PHKG2: variants seen among roughly 807,000 people sequenced by gnomAD.
PHKG2 encodes the protein phosphorylase b kinase gamma catalytic chain, liver/testis isoform.
In PHKG2, 28 loss-of-function variants were observed where a neutral mutation model predicts 44.5. That is an observed-to-expected ratio of 0.63 (90% CI 0.47 to 0.86). The LOEUF (loss-of-function observed/expected upper bound fraction) is 0.86, where lower values mean the gene tolerates loss of function less well. Ranked by LOEUF, PHKG2 falls within the 40% of genes least tolerant of loss-of-function variation. The pLI is 0.00. For synonymous variants in PHKG2, 220 were observed against 211.2 expected, an observed-to-expected ratio of 1.04 and a Z score of -0.36; for missense variants, 498 against 547.5, an observed-to-expected ratio of 0.91 and a Z score of 0.90.
chr16:30,756,324 C>T, intron 7 of PHKG2, 43 bp from the exon 8 acceptor site: 1 of 1,614,150 alleles, frequency 6.2e-7, no homozygotes, highest in African/African-American at 1.3e-5. Flanking sequence ...TTTGCTGGGT[C>T]TGCCCGTCAC....
At chr16:30,750,680 A>G (rs1000948798) in intron 2 of PHKG2, among the ~76,000 whole-genome samples, 1 of 152,318 alleles carries the variant, frequency 6.6e-6, no homozygotes, top group Admixed American at 6.5e-5. Context: ...CTTCTAGTCA[A>G]TGGCTTCCTA....
rs1287771880 is a variant in PHKG2 at position 30,759,838 on chromosome 16, GC to G, written c.*2742del. ...CAGAAGCAGACAGATCTGGGTTTCA[GC>G]ACTGGCTTGTTTCCTTAACTCATGT... is the stretch of plus-strand genomic sequence containing the variant. On this transcript the variant is annotated 3_prime_UTR_variant, in exon 10 of 10. Coordinates refer to ENST00000563588, the MANE Select transcript of PHKG2 (RefSeq NM_000294.3). The G allele has an allele frequency of 6.8e-7, 1 of 1,481,426 alleles. No homozygotes were observed. The highest frequency in any genetic ancestry group is 8.9e-7 in the Non-Finnish European group (1 of 1,119,856). The allele number at this position is 1,481,426 out of a possible 1,614,324, so 91.8% of individuals were successfully genotyped here.
At chr16:30,752,437 T>C (rs912954220) in intron 4 of PHKG2, 4 of 151,136 alleles carry the variant, frequency 2.6e-5, no homozygotes, top group East Asian at 2.0e-4. Context: ...ACTTAGAAAA[T>C]AGATCCTCAC....
Position 30,749,130 on chromosome 16 carries a change from G to GTGGTGGTGCTGGTGGTGC in PHKG2, c.95+229_95+230insGTGCTGGTGGTGCTGGTG, listed in dbSNP as rs200117179. ...GCTGCTGGTGGTGCTGGTGCTGGTG[G>GTGGTGGTGCTGGTGGTGC]TGGTGGTGCTGGTGCTGGTGGTGGT... On this transcript the variant is annotated intron_variant, in intron 2 of 9. Transcript: ENST00000563588. 1.8e-4 allele frequency among the ~76,000 whole-genome samples: 10 copies of GTGGTGGTGCTGGTGGTGC among 55,418 alleles called. 3 individuals carry two copies. The highest frequency in any genetic ancestry group is 1.1e-3 in the African/African-American group (10 of 9,342). 36.4% of individuals were successfully genotyped at this position (55,418 alleles called of 152,430 possible). A position where few individuals can be genotyped will look rare whatever the true frequency, so the allele number is the denominator to read the frequency against.
In PHKG2 at chr16:30,756,835, G is replaced by A. The variant is rs756345604; in HGVS notation, c.959G>A (p.Arg320Gln). The A allele has an allele frequency of 1.6e-5, 26 of 1,614,018 alleles. No individual in the cohort carries two copies. The highest frequency in any genetic ancestry group is 1.3e-4 in the East Asian group (6 of 44,902). ...GTGTGGACAGTGCTGGCTGCTGGAC[G>A]AGTGGCCCTAAGCACCCATCGTGTA... is the stretch of plus-strand genomic sequence containing the variant. ...VAVWTVLAAG[R>Q]VALSTHRVRP... The change falls in exon 10 of 10, where the codon CGA (arginine) becomes CAA (glutamine). Residue 320 changes from arginine (R) to glutamine (Q), a missense_variant. Arg to Gln is a conservative substitution (Grantham distance 43). Coordinates refer to ENST00000563588, the MANE Select transcript of PHKG2 (RefSeq NM_000294.3).
Position 30,760,089 on chromosome 16 carries a change from T to A in PHKG2, c.*2992T>A. On this transcript the variant is annotated 3_prime_UTR_variant, in exon 10 of 10. Transcript: ENST00000563588. The stretch of plus-strand genomic sequence containing the variant: ...TATATTATTTCTCAGAACAGTCCTG[T>A]AAAATGTGTGCTGTATCCTTAATTT... The A allele has an allele frequency of 6.5e-6, 10 of 1,537,472 alleles. No homozygotes were observed. The highest frequency in any genetic ancestry group is 8.7e-6 in the Non-Finnish European group (10 of 1,147,358).
chr16:30,748,678 A>AC (rs374019460), intron 1 of PHKG2, 125 bp from the exon 2 acceptor site: 1,948 of 175,146 alleles, frequency 0.011, 28 homozygotes, highest in South Asian at 0.021. Context: ...TCCTTCCCCC[A>AC]CCCCCCCCCA....
intron 1 of PHKG2, 124 bp from the exon 2 acceptor site, chr16:30,748,678 AC>A (rs374019460): frequency 0.11 from 18,464 of 172,274 alleles, 1,248 homozygotes; most frequent in East Asian, 0.5. Context: ...TCCTTCCCCC[AC>A]CCCCCCCCAC....
At position 30,757,148 on chromosome 16, in the gene PHKG2, T is replaced by A; in HGVS notation, c.*51T>A. On this transcript the variant is annotated 3_prime_UTR_variant, in exon 10 of 10. Transcript: ENST00000563588. The stretch of plus-strand genomic sequence containing the variant: ...AAGCAGAACTCTCCAGAAGAAGGGT[T>A]TTGATCATTCCAGCTCCTCTGGGCT... 6.3e-7 allele frequency: 1 copy of A among 1,584,878 alleles called. No individual in the cohort carries two copies. Among genetic ancestry groups the A allele is most frequent in the South Asian group, 1.1e-5 (1 of 89,686 alleles).
At position 30,759,318 on chromosome 16, in the gene PHKG2, T is replaced by A. The variant is rs1427861017; in HGVS notation, c.*2221T>A. Reference sequence around the variant, plus strand: ...GAGGGGAGGGGCGGTTGAGGGTGGCTCCTCATGGTCCACCACCCCCTACCT... The same window carrying A: ...GAGGGGAGGGGCGGTTGAGGGTGGCACCTCATGGTCCACCACCCCCTACCT... On this transcript the variant is annotated 3_prime_UTR_variant, in exon 10 of 10. Coordinates refer to ENST00000563588, the MANE Select transcript of PHKG2 (RefSeq NM_000294.3). 1.2e-6 allele frequency: 2 copies of A among 1,612,330 alleles called. No individual in the cohort carries two copies. Among genetic ancestry groups the A allele is most frequent in the African/African-American group, 2.7e-5 (2 of 74,836 alleles).
rs752576835 is a variant in PHKG2 at position 30,757,067 on chromosome 16, T to C, written c.1191T>C (p.Thr397=). ...AGGAGGGAGACTCTGCTGCTATAACTGAGGATGAGGCCGTGCTTGTGCTGG... is the reference window on the plus strand; with the variant it reads ...AGGAGGGAGACTCTGCTGCTATAACCGAGGATGAGGCCGTGCTTGTGCTGG... The part of the protein sequence containing the change: ...PEEEGDSAAI[T]EDEAVLVLG Residue 397 remains threonine (T), a synonymous_variant, in exon 10 of 10, where the codon ACT becomes ACC. Transcript: ENST00000563588. 1.2e-6 allele frequency: 2 copies of C among 1,613,330 alleles called. No homozygotes were observed. Among genetic ancestry groups the C allele is most frequent in the Admixed American group, 1.7e-5 (1 of 60,030 alleles).
Position 30,759,213 on chromosome 16 carries a change from A to T in PHKG2, c.*2116A>T. 1 of 1,614,174 alleles carries T rather than the reference A, an allele frequency of 6.2e-7. No homozygotes were observed. Among genetic ancestry groups the T allele is most frequent in the Non-Finnish European group, 8.5e-7 (1 of 1,180,034 alleles). On this transcript the variant is annotated 3_prime_UTR_variant, in exon 10 of 10. Transcript: ENST00000563588. ...CTCTGGCCACAGTTTGGGTGGCTGT[A>T]GCCCCATGTAAGTCAAAGACAGATC...
intron 4 of PHKG2, among the ~76,000 whole-genome samples, chr16:30,752,315 C>T (rs965958803): frequency 6.9e-6 from 1 of 145,662 alleles, no homozygotes; most frequent in Admixed American, 7.0e-5. Flanking sequence ...TTGCTTGAAC[C>T]CGGGAGGCGG....
At chr16:30,755,032 G>A (rs1567262500) in intron 6 of PHKG2, 1 of 406,364 alleles carries the variant, frequency 2.5e-6, no homozygotes, top group Non-Finnish European at 5.1e-6. Flanking sequence ...CATGGAACAA[G>A]GTTCAGAAAG....
intron 3 of PHKG2, 65 bp downstream of exon 3, chr16:30,751,346 GC>G: frequency 6.5e-7 from 1 of 1,536,698 alleles, no homozygotes. Context: ...CCTGCCCATA[GC>G]CCACTTCCGC....
In PHKG2 at chr16:30,760,118, G is replaced by A. The variant is rs776344669; in HGVS notation, c.*3021G>A. The A allele has an allele frequency of 1.3e-6, 2 of 1,545,970 alleles. No individual in the cohort carries two copies. The highest frequency in any genetic ancestry group is 2.7e-5 in the African/African-American group (2 of 73,234). On this transcript the variant is annotated 3_prime_UTR_variant, in exon 10 of 10. Transcript: ENST00000563588. Reference sequence around the variant, plus strand: ...ATGTGTGCTGTATCCTTAATTTCTAGATAAGGAAGCAGTGGATTGGAAAGC... The same window carrying A: ...ATGTGTGCTGTATCCTTAATTTCTAAATAAGGAAGCAGTGGATTGGAAAGC...
At chr16:30,755,842 A>G (rs1275120032) in intron 6 of PHKG2, among the ~76,000 whole-genome samples, 1 of 152,170 alleles carries the variant, frequency 6.6e-6, no homozygotes, top group Non-Finnish European at 1.5e-5. Context: ...TTCCATATGC[A>G]TTATGATATA....
chr16:30,760,673 TATAGTA>T lies in PHKG2; in HGVS notation c.*3578_*3583del. 6.6e-7 allele frequency: 1 copy of T among 1,525,480 alleles called. No homozygotes were observed. The highest frequency in any genetic ancestry group is 8.8e-7 in the Non-Finnish European group (1 of 1,142,710). 94.5% of individuals were successfully genotyped at this position (1,525,480 alleles called of 1,614,324 possible). Reference sequence around the variant, plus strand: ...GAATGGACGTCCAGGTACTTCCTGTTATAGTAAAAGAAAAAGAGTATTGGTGGCCGT... The same window carrying T: ...GAATGGACGTCCAGGTACTTCCTGTTAAAGAAAAAGAGTATTGGTGGCCGT... On this transcript the variant is annotated 3_prime_UTR_variant, in exon 10 of 10. Coordinates refer to ENST00000563588, the MANE Select transcript of PHKG2 (RefSeq NM_000294.3).
intron 2 of PHKG2, among the ~76,000 whole-genome samples, chr16:30,749,145 C>G (rs1484064885): frequency 0.016 from 78 of 4,870 alleles, no homozygotes; most frequent in South Asian, 0.049. Context: ...GGTGCTGGTG[C>G]TGGTGGTGGT....
Sources: gnomAD v4.1 joint callset for allele counts (sites outside exome capture counted in the v4.1 genomes callset) on GRCh38, gnomAD v4.1.1 for gene constraint, MANE v1.5 for transcripts, NCBI Gene and HGNC (gene_info 2026-07-23, HGNC 2026-07-21) for gene names.